Variants in EFR3A observed in about 807,000 individuals in gnomAD.
EFR3A encodes the protein protein EFR3 homolog A.
EFR3A carries 76 observed loss-of-function variants against 104.4 expected under a neutral mutation model. That is an observed-to-expected ratio of 0.73 (90% confidence interval 0.60 to 0.88). The LOEUF is 0.88. EFR3A is among the 40% of genes least tolerant of loss of function. EFR3A has a pLI of 0.00. For missense variants in EFR3A, 985 were observed against 1,012.5 expected, an observed-to-expected ratio of 0.97 and a Z score of 0.37; for synonymous variants, 330 against 330.0, an observed-to-expected ratio of 1.00 and a Z score of 0.00.
chr8:131,921,845 G>T (rs1475476267), intron 1 of EFR3A, among the ~76,000 whole-genome samples: 1 of 152,148 alleles, frequency 6.6e-6, no homozygotes, highest in African/African-American at 2.4e-5. Context: ...ATTTAAACTG[G>T]TTTCAGAATG....
intron 19 of EFR3A, among the ~76,000 whole-genome samples, chr8:132,001,273 GT>G (rs1821768566): frequency 1.3e-5 from 2 of 152,112 alleles, no homozygotes; most frequent in South Asian, 4.1e-4. Context: ...TAAAATCTTA[GT>G]TTTCCTTTTG....
rs138825961 is a variant in EFR3A at position 131,933,047 on chromosome 8, G to A, written c.11-7452G>A. On this transcript the variant is annotated intron_variant, in intron 1 of 22. Coordinates refer to ENST00000254624, the MANE Select transcript of EFR3A (RefSeq NM_015137.6). ...GTTTGCATTAAAGAAGAAAGTCACT[G>A]CTTACATCTTTTTAAAAAAACAGTT... is the stretch of plus-strand genomic sequence containing the variant. Among the ~76,000 whole-genome samples, 18 of 152,088 alleles carry A rather than the reference G, an allele frequency of 1.2e-4. No individual in the cohort carries two copies. The East Asian group carries it at 3.5e-3, about 29-fold the overall frequency.
intron 1 of EFR3A, among the ~76,000 whole-genome samples, chr8:131,937,928 T>TAA (rs979718039): frequency 2.0e-5 from 3 of 152,112 alleles, no homozygotes; most frequent in Admixed American, 6.6e-5. Flanking sequence ...AAAGGGGGTG[T>TAA]AAGTAGGCTT....
At chr8:131,916,085 A>G (rs957559554) in intron 1 of EFR3A, among the ~76,000 whole-genome samples, 2 of 152,132 alleles carry the variant, frequency 1.3e-5, no homozygotes, top group South Asian at 2.1e-4. Flanking sequence ...TGCTGTGTTT[A>G]TAGTTTTGGT....
intron 22 of EFR3A, 67 bp from the exon 23 acceptor site, chr8:132,010,723 A>G: frequency 6.4e-7 from 1 of 1,550,760 alleles, no homozygotes; most frequent in Non-Finnish European, 8.8e-7. Context: ...GATAGTAGAT[A>G]GAATACTCGG....
chr8:131,975,918 G>A (rs549432900), intron 10 of EFR3A, 109 bp from the exon 11 acceptor site: 4 of 648,618 alleles, frequency 6.2e-6, no homozygotes, highest in African/African-American at 1.8e-5. Flanking sequence ...TTACAGACTT[G>A]TGAGGGATTG....
In EFR3A at chr8:131,959,603, A is replaced by G. The variant is rs61740223; in HGVS notation, c.795A>G (p.Lys265=). Residue 265 remains lysine (K), a synonymous_variant, in exon 8 of 23, where the codon AAA becomes AAG. Coordinates refer to ENST00000254624, the MANE Select transcript of EFR3A (RefSeq NM_015137.6). ...RPVFAHLDHH[K]LWDPNEFAVH... ...TTTGCAGGCATTTAGATCATCACAA[A>G]CTGTGGGATCCCAATGAATTTGCAG... 1.7e-5 allele frequency: 28 copies of G among 1,611,890 alleles called. No individual in the cohort carries two copies. In the South Asian group the frequency reaches 3.0e-4, roughly 17 times the overall value.
rs768680945 is a variant in EFR3A at position 131,968,359 on chromosome 8, C to T, written c.920C>T (p.Ala307Val). Residue 307 changes from alanine to valine, a missense_variant, in exon 9 of 23, where the codon GCT (alanine) becomes GTT (valine). By Grantham distance (64) the Ala-to-Val change is moderately conservative (BLOSUM62 0). Transcript: ENST00000254624. The stretch of plus-strand genomic sequence containing the variant: ...CACCTTGATGCTCGTAAAAAAGATG[C>T]TCCCCGGGTTCGAGCAGGTATTATT... ...LGHLDARKKDAPRVRAGIIQV... is the reference protein window; with the variant it reads ...LGHLDARKKDVPRVRAGIIQV... The T allele has an allele frequency of 1.1e-5, 17 of 1,613,552 alleles. No homozygotes were observed. Among genetic ancestry groups the T allele is most frequent in the Non-Finnish European group, 1.4e-5 (16 of 1,179,622 alleles).
intron 1 of EFR3A, among the ~76,000 whole-genome samples, chr8:131,922,957 C>T (rs1173432911): frequency 1.3e-5 from 2 of 152,084 alleles, no homozygotes; most frequent in African/African-American, 4.8e-5. Context: ...TATTGACTTA[C>T]TACTGAATGC....
rs552415722 is a variant in EFR3A at position 131,996,127 on chromosome 8, T to C, written c.2066-279T>C. Among the ~76,000 whole-genome samples, 23 of 152,250 alleles carry C rather than the reference T, an allele frequency of 1.5e-4. 1 individual carries two copies. The South Asian group carries it at 1.7e-3, about 11-fold the overall frequency. On this transcript the variant is annotated intron_variant, in intron 18 of 22. Transcript: ENST00000254624. ...ACTTGCTTTTTTTAATTAAACTATT[T>C]GGTAGTGGTTGTTGATGTTGCTGTC... is the stretch of plus-strand genomic sequence containing the variant.
At chr8:132,006,527 A>G (rs115329764) in intron 22 of EFR3A, among the ~76,000 whole-genome samples, 3,106 of 152,176 alleles carry the variant, frequency 0.02, 46 homozygotes, top group South Asian at 0.042. Flanking sequence ...TAACTGTTGA[A>G]ATAGATTTGC....
At chr8:131,987,851 G>T in intron 18 of EFR3A, 149 bp downstream of exon 18, 1 of 823,532 alleles carries the variant, frequency 1.2e-6, no homozygotes. Flanking sequence ...ATTTACTTCT[G>T]TTTTTTAATT....
chr8:132,005,739 A>G (rs1031495164), intron 22 of EFR3A, among the ~76,000 whole-genome samples: 1 of 152,192 alleles, frequency 6.6e-6, no homozygotes, highest in South Asian at 2.1e-4. Context: ...TGCAGAAAGG[A>G]TATAAGATTT....
At chr8:131,956,712 A>T (rs766105775) in intron 7 of EFR3A, among the ~76,000 whole-genome samples, 1 of 152,128 alleles carries the variant, frequency 6.6e-6, no homozygotes, top group African/African-American at 2.4e-5. Flanking sequence ...AGCCTTAGTT[A>T]CAAGAATCTA....
intron 7 of EFR3A, among the ~76,000 whole-genome samples, chr8:131,957,612 A>T (rs1158322046): frequency 6.6e-6 from 1 of 152,188 alleles, no homozygotes; most frequent in Non-Finnish European, 1.5e-5. Context: ...GGCATCCCAT[A>T]GTGCTGGGAT....
chr8:131,910,103 C>T (rs186550078), intron 1 of EFR3A, among the ~76,000 whole-genome samples: 19 of 152,286 alleles, frequency 1.2e-4, no homozygotes, highest in African/African-American at 4.6e-4. Flanking sequence ...TGTACTTTTC[C>T]ATCTCAGGAT....
rs753653319 is a variant in EFR3A at position 131,955,790 on chromosome 8, CCTT to C, written c.664_666del (p.Ser222del). 5 of 1,612,868 alleles carry C rather than the reference CCTT, an allele frequency of 3.1e-6. No homozygotes were observed. Among genetic ancestry groups the C allele is most frequent in the East Asian group, 2.2e-5 (1 of 44,858 alleles). ...TAGTCGCATAGGCCCTCCTTCTTCT[CCTT>C]CTGCAACTGACAAAGAAGAGAATCC... On this transcript the variant is annotated inframe_deletion, in exon 7 of 23. Coordinates refer to ENST00000254624, the MANE Select transcript of EFR3A (RefSeq NM_015137.6).
At chr8:131,933,198 T>G (rs193093375) in intron 1 of EFR3A, among the ~76,000 whole-genome samples, 1 of 152,284 alleles carries the variant, frequency 6.6e-6, no homozygotes, top group Admixed American at 6.5e-5. Flanking sequence ...TTTGCATCAT[T>G]TGATTACTTA....
intron 1 of EFR3A, among the ~76,000 whole-genome samples, chr8:131,909,507 C>T (rs1421667510): frequency 6.6e-6 from 1 of 151,966 alleles, no homozygotes; most frequent in Admixed American, 6.6e-5. Context: ...GGTCTCACTA[C>T]TATACTCCAG....
Sources: gnomAD v4.1 joint callset for allele counts (sites outside exome capture counted in the v4.1 genomes callset) on GRCh38, gnomAD v4.1.1 for gene constraint, MANE v1.5 for transcripts, NCBI Gene and HGNC (gene_info 2026-07-23, HGNC 2026-07-21) for gene names.